The following MARCHF1 variants were observed in gnomAD, a reference collection of about 807,000 sequenced individuals.
MARCHF1 encodes the protein E3 ubiquitin-protein ligase MARCHF1.
In MARCHF1, 40 loss-of-function variants were observed where a neutral mutation model predicts 54.2. That is an observed-to-expected ratio of 0.74 (90% CI 0.57 to 0.96). The LOEUF (loss-of-function observed/expected upper bound fraction) is 0.96, where lower values mean the gene tolerates loss of function less well. MARCHF1 is among the 40% of genes least tolerant of loss of function. The pLI is 0.00. For synonymous variants in MARCHF1, 236 were observed against 236.3 expected, an observed-to-expected ratio of 1.00 and a Z score of 0.01; for missense variants, 586 against 656.5, an observed-to-expected ratio of 0.89 and a Z score of 1.17.
At chr4:164,118,579 T>C (rs1755990917) in intron 1 of MARCHF1, among the ~76,000 whole-genome samples, 1 of 151,422 alleles carries the variant, frequency 6.6e-6, no homozygotes, top group Non-Finnish European at 1.5e-5. Flanking sequence ...TCAGACCAAA[T>C]ATATGATATC....
intron 4 of MARCHF1, among the ~76,000 whole-genome samples, chr4:163,763,365 T>G (rs1746882715): frequency 6.6e-6 from 1 of 152,086 alleles, no homozygotes; most frequent in Non-Finnish European, 1.5e-5. Flanking sequence ...AACCCTCCCC[T>G]GATTTAATGT....
intron 2 of MARCHF1, among the ~76,000 whole-genome samples, chr4:163,997,889 C>T (rs1423580565): frequency 1.3e-5 from 2 of 150,850 alleles, no homozygotes; most frequent in Non-Finnish European, 3.0e-5. Context: ...TTCCATTACA[C>T]ATTTGTTATC....
intron 1 of MARCHF1, among the ~76,000 whole-genome samples, chr4:164,232,326 C>T (rs773230655): frequency 2.6e-5 from 4 of 152,022 alleles, no homozygotes; most frequent in Non-Finnish European, 4.4e-5. Context: ...ATTATTCCTG[C>T]GACTGTAACT....
intron 1 of MARCHF1, among the ~76,000 whole-genome samples, chr4:164,212,716 C>T (rs969797080): frequency 2.0e-5 from 3 of 152,098 alleles, no homozygotes; most frequent in African/African-American, 4.8e-5. Context: ...TCCATGGGTT[C>T]GGTATCCCTT....
At chr4:164,081,098 C>T (rs1467022171) in intron 2 of MARCHF1, among the ~76,000 whole-genome samples, 1 of 142,398 alleles carries the variant, frequency 7.0e-6, no homozygotes. Flanking sequence ...GTCCCAGCTA[C>T]TTGAGAGGCT....
intron 1 of MARCHF1, among the ~76,000 whole-genome samples, chr4:164,373,428 C>T (rs2110964718): frequency 7.4e-6 from 1 of 135,940 alleles, no homozygotes; most frequent in East Asian, 2.3e-4. Context: ...AATCTTGGCT[C>T]ACTGCTATCT....
At chr4:163,894,809 CATGCATGTGATGCATATATAT>C in intron 3 of MARCHF1, among the ~76,000 whole-genome samples, 1 of 12,434 alleles carries the variant, frequency 8.0e-5, no homozygotes, top group African/African-American at 2.3e-4. Flanking sequence ...CATATATATA[CATGCATGTGATGCATATATAT>C]ATGCATGTGA....
At chr4:164,312,350 T>C (rs1169359108) in intron 1 of MARCHF1, among the ~76,000 whole-genome samples, 1 of 131,330 alleles carries the variant, frequency 7.6e-6, no homozygotes, top group South Asian at 2.4e-4. Flanking sequence ...TGAGACGCAG[T>C]CTGGCTCTAT....
intron 2 of MARCHF1, among the ~76,000 whole-genome samples, chr4:164,059,976 G>T (rs545434201): frequency 2.6e-5 from 4 of 152,046 alleles, no homozygotes; most frequent in African/African-American, 9.6e-5. Context: ...TATAAACATG[G>T]TCAAGTTGTT....
chr4:163,609,375 C>T (rs1403822449), intron 7 of MARCHF1, among the ~76,000 whole-genome samples: 1 of 151,986 alleles, frequency 6.6e-6, no homozygotes, highest in Non-Finnish European at 1.5e-5. Context: ...TCATTCTTGA[C>T]TCCTCTGTCT....
chr4:163,842,514 G>A (rs369240214), intron 4 of MARCHF1, among the ~76,000 whole-genome samples: 3 of 151,992 alleles, frequency 2.0e-5, no homozygotes, highest in Non-Finnish European at 4.4e-5. Flanking sequence ...GTATAGAAGA[G>A]TGTCTTAGAG....
intron 1 of MARCHF1, among the ~76,000 whole-genome samples, chr4:164,155,538 T>C (rs1237595013): frequency 6.6e-6 from 1 of 152,134 alleles, no homozygotes; most frequent in Non-Finnish European, 1.5e-5. Context: ...CAGTTCTTGT[T>C]AGGGCTATGG....
intron 1 of MARCHF1, among the ~76,000 whole-genome samples, chr4:164,324,519 G>A (rs1041266573): frequency 7.3e-5 from 11 of 151,312 alleles, no homozygotes; most frequent in African/African-American, 2.7e-4. Context: ...GAAAACCCAA[G>A]AGACTCTAAG....
intron 1 of MARCHF1, among the ~76,000 whole-genome samples, chr4:164,310,570 C>T (rs1210339955): frequency 2.4e-5 from 3 of 125,182 alleles, no homozygotes; most frequent in Non-Finnish European, 3.2e-5. Context: ...TAAAACCATT[C>T]TGTCTATGAA....
chr4:163,903,788 A>AT (rs990544489), intron 3 of MARCHF1, among the ~76,000 whole-genome samples: 2 of 151,732 alleles, frequency 1.3e-5, no homozygotes, highest in African/African-American at 4.8e-5. Context: ...ATTTTTTTGT[A>AT]TTTTTTGTAG....
At chr4:163,824,082 A>G (rs951823872) in intron 4 of MARCHF1, among the ~76,000 whole-genome samples, 13 of 151,958 alleles carry the variant, frequency 8.6e-5, no homozygotes, top group African/African-American at 3.1e-4. Flanking sequence ...GGAATCACAA[A>G]AATAAAAATC....
intron 3 of MARCHF1, among the ~76,000 whole-genome samples, chr4:163,981,915 G>A (rs571662486): frequency 9.1e-4 from 139 of 152,276 alleles, no homozygotes; most frequent in Non-Finnish European, 1.3e-3. Context: ...CTACACCAGG[G>A]AGGAGTTTCA....
chr4:164,225,160 A>C (rs185922503), intron 1 of MARCHF1, among the ~76,000 whole-genome samples: 5 of 152,202 alleles, frequency 3.3e-5, no homozygotes, highest in Admixed American at 2.6e-4. Flanking sequence ...TACCCTGCAC[A>C]TACCAAATTA....
intron 1 of MARCHF1, among the ~76,000 whole-genome samples, chr4:164,169,046 C>G (rs1730457522): frequency 6.6e-6 from 1 of 151,968 alleles, no homozygotes. Context: ...GTTAATAAAA[C>G]TGTTTTGTAT....
Sources: gnomAD v4.1 joint callset for allele counts (sites outside exome capture counted in the v4.1 genomes callset) on GRCh38, gnomAD v4.1.1 for gene constraint, MANE v1.5 for transcripts, NCBI Gene and HGNC (gene_info 2026-07-23, HGNC 2026-07-21) for gene names.